The following RFX3 variants were observed in gnomAD, a reference collection of about 807,000 sequenced individuals.
RFX3 encodes transcription factor RFX3.
Under a neutral mutation model 98.6 loss-of-function variants are expected in RFX3, and 14 were observed. The ratio of observed to expected loss-of-function variants is 0.14; its 90% confidence interval spans 0.09 to 0.22. The LOEUF is 0.22. Ranked by LOEUF, RFX3 falls within the 10% of genes least tolerant of loss-of-function variation. RFX3 has a pLI of 1.00. For missense variants in RFX3, 639 were observed against 926.9 expected, an observed-to-expected ratio of 0.69 and a Z score of 4.03; for synonymous variants, 383 against 328.4, an observed-to-expected ratio of 1.17 and a Z score of -1.80.
intron 1 of RFX3, among the ~76,000 whole-genome samples, chr9:3,488,504 C>G (rs1449975525): frequency 2.0e-5 from 3 of 152,078 alleles, no homozygotes; most frequent in Non-Finnish European, 4.4e-5. Flanking sequence ...ACAGACAACT[C>G]AAATGGTTTG....
intron 1 of RFX3, among the ~76,000 whole-genome samples, chr9:3,454,920 TA>T (rs1847009828): frequency 1.3e-5 from 2 of 152,152 alleles, no homozygotes; most frequent in Admixed American, 1.3e-4. Flanking sequence ...CTGAGACTCA[TA>T]CCCAAGTCTC....
At chr9:3,407,365 T>C (rs1842062170) in intron 1 of RFX3, among the ~76,000 whole-genome samples, 1 of 152,176 alleles carries the variant, frequency 6.6e-6, no homozygotes, top group Admixed American at 6.5e-5. Context: ...GTAGGTACTA[T>C]TATTATCCCA....
chr9:3,313,962 A>C (rs9722669), intron 4 of RFX3, among the ~76,000 whole-genome samples: 1 of 152,228 alleles, frequency 6.6e-6, no homozygotes, highest in Non-Finnish European at 1.5e-5. Flanking sequence ...GATATTATCC[A>C]GGAGAACTTC....
chr9:3,346,548 T>C, intron 3 of RFX3, 119 bp downstream of exon 3: 1 of 683,460 alleles, frequency 1.5e-6, no homozygotes, highest in South Asian at 1.7e-5. Flanking sequence ...TCAATAACTG[T>C]TCTAGTAGAA....
rs4008947 is a variant in RFX3 at position 3,472,402 on chromosome 9, C to T, written c.-9+53345G>A. ...CTAGATAACACACCCTAGTGAGATA[C>T]TGTAATGAGAAAATGATGTAATACA... On this transcript the variant is annotated intron_variant, in intron 1 of 16. Transcript: ENST00000617270. Among the ~76,000 whole-genome samples the T allele has an allele frequency of 4.2e-4, 64 of 152,310 alleles. 3 individuals are homozygous for T. Among genetic ancestry groups the T allele is most frequent in the South Asian group, 2.5e-3 (12 of 4,832 alleles).
At chr9:3,391,936 A>G (rs566403843) in intron 2 of RFX3, among the ~76,000 whole-genome samples, 1 of 152,300 alleles carries the variant, frequency 6.6e-6, no homozygotes, top group African/African-American at 2.4e-5. Flanking sequence ...ACATGAAAAA[A>G]GAGAAAGATT....
intron 1 of RFX3, among the ~76,000 whole-genome samples, chr9:3,444,346 A>C (rs2132733812): frequency 1.3e-5 from 2 of 152,316 alleles, no homozygotes; most frequent in South Asian, 4.1e-4. Context: ...ATTATTATAA[A>C]GTTCTGGAAA....
intron 1 of RFX3, among the ~76,000 whole-genome samples, chr9:3,425,181 G>A (rs1352645251): frequency 6.6e-6 from 1 of 152,180 alleles, no homozygotes; most frequent in Non-Finnish European, 1.5e-5. Flanking sequence ...GAGGTTGAGT[G>A]AGCCATGATC....
chr9:3,437,038 ACAATT>A (rs1292352856), intron 1 of RFX3, among the ~76,000 whole-genome samples: 2 of 152,062 alleles, frequency 1.3e-5, no homozygotes, highest in African/African-American at 4.8e-5. Flanking sequence ...CTTTTATAGC[ACAATT>A]CATAGTATCC....
intron 1 of RFX3, among the ~76,000 whole-genome samples, chr9:3,461,829 A>G (rs1371271652): frequency 1.3e-5 from 2 of 152,044 alleles, no homozygotes; most frequent in African/African-American, 4.8e-5. Context: ...ACAAAGGCCT[A>G]TATAAGCATA....
intron 1 of RFX3, among the ~76,000 whole-genome samples, chr9:3,478,252 A>G (rs899355865): frequency 1.3e-5 from 2 of 151,988 alleles, no homozygotes; most frequent in Non-Finnish European, 2.9e-5. Flanking sequence ...AATATATTTT[A>G]ACAAATCTCA....
chr9:3,402,940 T>C (rs1294569601), intron 1 of RFX3, among the ~76,000 whole-genome samples: 2 of 151,872 alleles, frequency 1.3e-5, no homozygotes, highest in South Asian at 2.1e-4. Flanking sequence ...CTAAGGACAT[T>C]AGGCATCTTC....
chr9:3,232,814 T>A (rs1250072365), intron 15 of RFX3, among the ~76,000 whole-genome samples: 1 of 133,594 alleles, frequency 7.5e-6, no homozygotes, highest in Non-Finnish European at 1.6e-5. Context: ...TGGGATGGGA[T>A]GTGGGGTGAG....
At chr9:3,250,575 C>G (rs1821251774) in intron 14 of RFX3, among the ~76,000 whole-genome samples, 1 of 152,002 alleles carries the variant, frequency 6.6e-6, no homozygotes, top group Admixed American at 6.6e-5. Context: ...AAGGTCAAAA[C>G]CTTTGACCCA....
At chr9:3,399,854 C>G (rs561099192) in intron 1 of RFX3, among the ~76,000 whole-genome samples, 28 of 151,222 alleles carry the variant, frequency 1.9e-4, no homozygotes, top group South Asian at 4.2e-4. Context: ...GAGGCTGCAG[C>G]AGGAGAGTCA....
chr9:3,346,518 C>A, intron 3 of RFX3, 149 bp downstream of exon 3: 4 of 589,260 alleles, frequency 6.8e-6, no homozygotes, highest in Non-Finnish European at 9.1e-6. Flanking sequence ...TAGACAAAAG[C>A]TCTAAACATC....
chr9:3,234,284 G>A (rs1170147910), intron 15 of RFX3, among the ~76,000 whole-genome samples: 2 of 152,164 alleles, frequency 1.3e-5, no homozygotes, highest in Admixed American at 1.3e-4. Context: ...TACCAGTGTA[G>A]TGCAAAAATA....
At chr9:3,504,163 ATATATATTATATATTATACATAT>A (rs1816383645) in intron 1 of RFX3, among the ~76,000 whole-genome samples, 2 of 96,324 alleles carry the variant, frequency 2.1e-5, no homozygotes, top group African/African-American at 1.3e-4. Context: ...ATTATATATT[ATATATATTATATATTATACATAT>A]TATATATTAT....
intron 1 of RFX3, among the ~76,000 whole-genome samples, chr9:3,449,215 C>T (rs573448291): frequency 1.3e-5 from 2 of 152,250 alleles, no homozygotes; most frequent in East Asian, 3.9e-4. Flanking sequence ...CACTTAATTT[C>T]CTTCTGTCGT....
Sources: allele counts gnomAD v4.1 joint callset (sites outside exome capture counted in the v4.1 genomes callset), GRCh38; gene constraint gnomAD v4.1.1; transcripts MANE v1.5; gene names NCBI Gene and HGNC (gene_info 2026-07-23, HGNC 2026-07-21).